CNST: variants seen among roughly 807,000 people sequenced by gnomAD.
The protein encoded by CNST is consortin, connexin sorting protein.
A neutral mutation model predicts 72.4 loss-of-function variants in CNST; 39 were observed. The ratio of observed to expected loss-of-function variants is 0.54; its 90% CI spans 0.42 to 0.70. The LOEUF (loss-of-function observed/expected upper bound fraction) is 0.70, where lower values mean the gene tolerates loss of function less well. Ranked by LOEUF, CNST falls within the 30% of genes least tolerant of loss-of-function variation. CNST has a pLI of 0.00. For synonymous variants in CNST, 332 were observed against 320.1 expected (o/e 1.04, Z -0.40); for missense variants, 871 against 868.5 (o/e 1.00, Z -0.04).
At chr1:246,653,626 C>T (rs1311900076) in intron 9 of CNST, among the ~76,000 whole-genome samples, 2 of 152,198 alleles carry the variant, frequency 1.3e-5, no homozygotes, top group East Asian at 1.9e-4. Flanking sequence ...CAAATGGCCT[C>T]GTCCTTGCCT....
chr1:246,591,021 C>A (rs1310027024), intron 1 of CNST, among the ~76,000 whole-genome samples: 2 of 151,548 alleles, frequency 1.3e-5, no homozygotes, highest in Non-Finnish European at 1.5e-5. Flanking sequence ...TTTTTAAAAT[C>A]TTCAAACATT....
At chr1:246,631,946 G>A (rs758914445) in intron 4 of CNST, 22 bp downstream of exon 4, 1 of 1,444,848 alleles carries the variant, frequency 6.9e-7, no homozygotes, top group South Asian at 1.2e-5. Flanking sequence ...TTAATTACAG[G>A]AAGAAATTTT....
At chr1:246,617,487 A>G (rs1663784595) in intron 2 of CNST, among the ~76,000 whole-genome samples, 1 of 151,896 alleles carries the variant, frequency 6.6e-6, no homozygotes, top group Non-Finnish European at 1.5e-5. Context: ...GCTGTTTTTC[A>G]GGCTGAGACT....
chr1:246,591,717 C>A lies in CNST; in HGVS notation c.155C>A (p.Thr52Asn), dbSNP rs1200962952. The stretch of plus-strand genomic sequence containing the variant: ...GACGGGGACGGGCATGAGCATCTGA[C>A]CAGCAGTGACAGTGCGATGGGAAAG... ...QLDGDGHEHL[T>N]SSDSAMGKPQ... The change falls in exon 2 of 11, where the codon ACC (threonine) becomes AAC (asparagine). Residue 52 changes from threonine to asparagine, a missense_variant. Transcript: ENST00000366513. The A allele has an allele frequency of 6.2e-7, 1 of 1,614,120 alleles. No homozygotes were observed. Among genetic ancestry groups the A allele is most frequent in the Admixed American group, 1.7e-5 (1 of 60,018 alleles).
intron 2 of CNST, among the ~76,000 whole-genome samples, chr1:246,614,710 T>G (rs760299825): frequency 6.6e-6 from 1 of 152,138 alleles, no homozygotes; most frequent in Non-Finnish European, 1.5e-5. Flanking sequence ...GACCTCGTGA[T>G]CTGCCCACCT....
chr1:246,627,604 A>C (rs1467910990), intron 3 of CNST, among the ~76,000 whole-genome samples: 1 of 152,234 alleles, frequency 6.6e-6, no homozygotes. Context: ...AGGAGAGGGT[A>C]ACCAGTCCTG....
chr1:246,659,584 G>A (rs1225487676), intron 9 of CNST, among the ~76,000 whole-genome samples: 1 of 149,114 alleles, frequency 6.7e-6, no homozygotes, highest in Non-Finnish European at 1.5e-5. Flanking sequence ...GACAGAGCAA[G>A]ACTCTGTCTC....
At chr1:246,586,102 T>G (rs1317114321) in intron 1 of CNST, among the ~76,000 whole-genome samples, 2 of 41,210 alleles carry the variant, frequency 4.9e-5, no homozygotes, top group Non-Finnish European at 1.0e-4. Context: ...GAGATATATA[T>G]ATATATATAT....
chr1:246,568,594 G>A (rs546818281), intron 1 of CNST, among the ~76,000 whole-genome samples: 1 of 152,172 alleles, frequency 6.6e-6, no homozygotes, highest in Middle Eastern at 3.4e-3. Context: ...TTGCCTTTTT[G>A]AAGTAATTTT....
At chr1:246,657,968 G>A (rs968146163) in intron 9 of CNST, among the ~76,000 whole-genome samples, 6 of 152,146 alleles carry the variant, frequency 3.9e-5, no homozygotes, top group African/African-American at 1.4e-4. Flanking sequence ...TCTTAATAGG[G>A]TTGTTTTTTC....
chr1:246,604,002 TC>T (rs1213525462), intron 2 of CNST, among the ~76,000 whole-genome samples: 6 of 152,166 alleles, frequency 3.9e-5, no homozygotes, highest in Admixed American at 3.9e-4. Context: ...GGCGGGTGGA[TC>T]ACCTGAGGTC....
chr1:246,570,352 G>A (rs146229862), intron 1 of CNST, among the ~76,000 whole-genome samples: 1 of 152,188 alleles, frequency 6.6e-6, no homozygotes, highest in Non-Finnish European at 1.5e-5. Flanking sequence ...CATTGTTCCT[G>A]TCTTGACCTC....
chr1:246,647,877 C>G lies in CNST; in HGVS notation c.1676C>G (p.Thr559Ser), dbSNP rs1210089109. 1.2e-6 allele frequency: 2 copies of G among 1,613,950 alleles called. No individual in the cohort carries two copies. The highest frequency in any genetic ancestry group is 4.5e-5 in the East Asian group (2 of 44,900). The change falls in exon 9 of 11, where the codon ACT becomes AGT. Residue 559 changes from threonine (T) to serine (S), a missense_variant. Thr to Ser is a moderately conservative substitution (Grantham distance 58). Coordinates refer to ENST00000366513, the MANE Select transcript of CNST (RefSeq NM_152609.3). ...CTTTTAGAAGGATGTTTAAAAGATACTGAAGATTCCCTTTCCTATGAAGAT... is the reference window on the plus strand; with the variant it reads ...CTTTTAGAAGGATGTTTAAAAGATAGTGAAGATTCCCTTTCCTATGAAGAT... The part of the protein sequence containing the change: ...NSLLEGCLKD[T>S]EDSLSYEDNQ...
At position 246,654,002 on chromosome 1, in the gene CNST, C is replaced by T. The variant is rs559387737; in HGVS notation, c.1836+5965C>T. Reference sequence around the variant, plus strand: ...TAAACTCCACAGATTAAACCAACCACAGCTGAGGGTTCTTGATCGAACACA... The same window carrying T: ...TAAACTCCACAGATTAAACCAACCATAGCTGAGGGTTCTTGATCGAACACA... On this transcript the variant is annotated intron_variant, in intron 9 of 10. Transcript: ENST00000366513. Among the ~76,000 whole-genome samples the T allele has an allele frequency of 3.3e-5, 5 of 152,346 alleles. 1 individual carries two copies. Among genetic ancestry groups the T allele is most frequent in the Admixed American group, 2.6e-4 (4 of 15,302 alleles).
chr1:246,591,944 A>G lies in CNST; in HGVS notation c.379+3A>G. 6.3e-7 allele frequency: 1 copy of G among 1,592,720 alleles called. No individual in the cohort carries two copies. The highest frequency in any genetic ancestry group is 8.5e-7 in the Non-Finnish European group (1 of 1,171,206). On this transcript the variant is annotated splice_donor_region_variant and intron_variant, in intron 2 of 10. Coordinates refer to ENST00000366513, the MANE Select transcript of CNST (RefSeq NM_152609.3). ...GACTGCTAAGAAGATACCACCAGGT[A>G]TTGTTTAAAATAGTATTTATCCTCT...
At chr1:246,620,614 C>T (rs1664008095) in intron 2 of CNST, among the ~76,000 whole-genome samples, 1 of 143,328 alleles carries the variant, frequency 7.0e-6, no homozygotes. Flanking sequence ...TGCATACACA[C>T]GATGGGCTCT....
intron 1 of CNST, among the ~76,000 whole-genome samples, chr1:246,589,891 G>T (rs548889744): frequency 1.3e-5 from 2 of 152,206 alleles, no homozygotes; most frequent in East Asian, 3.9e-4. Flanking sequence ...TTTCATGTGT[G>T]TTTTGGCTGC....
intron 3 of CNST, among the ~76,000 whole-genome samples, chr1:246,626,152 T>A (rs560036292): frequency 6.6e-6 from 1 of 151,976 alleles, no homozygotes; most frequent in Non-Finnish European, 1.5e-5. Flanking sequence ...CGGGTTCAAG[T>A]AGTCTTCCTG....
At chr1:246,572,818 C>A (rs1334254157) in intron 1 of CNST, among the ~76,000 whole-genome samples, 1 of 152,124 alleles carries the variant, frequency 6.6e-6, no homozygotes, top group East Asian at 1.9e-4. Context: ...CTACTTCAGC[C>A]TCTCAAAGTG....
Sources: gnomAD v4.1 joint callset for allele counts (sites outside exome capture counted in the v4.1 genomes callset) on GRCh38, gnomAD v4.1.1 for gene constraint, MANE v1.5 for transcripts, NCBI Gene and HGNC (gene_info 2026-07-23, HGNC 2026-07-21) for gene names.